STK10: variants seen among roughly 807,000 people sequenced by gnomAD.
STK10 encodes serine/threonine kinase 10.
STK10 carries 78 observed loss-of-function variants against 113.8 expected under a neutral mutation model. The observed-to-expected ratio is 0.69, with a 90% CI of 0.57 to 0.83. The LOEUF is 0.83. Ranked by LOEUF, STK10 falls within the 40% of genes least tolerant of loss-of-function variation. STK10 has a pLI of 0.00. For missense variants in STK10, 1,109 were observed against 1,280.1 expected (o/e 0.87, Z 2.04); for synonymous variants, 465 against 494.7 (o/e 0.94, Z 0.80).
intron 4 of STK10, among the ~76,000 whole-genome samples, chr5:172,112,930 G>A (rs779870309): frequency 1.3e-5 from 2 of 151,606 alleles, no homozygotes; most frequent in African/African-American, 2.4e-5. Flanking sequence ...ATTTTTAGTA[G>A]AGACGGGGGG....
In STK10 at chr5:172,133,745, A is replaced by T. The variant is rs1314732972; in HGVS notation, c.322-6324T>A. Among the ~76,000 whole-genome samples the T allele has an allele frequency of 1.3e-5, 2 of 152,248 alleles. No individual in the cohort carries two copies. The highest frequency in any genetic ancestry group is 2.9e-5 in the Non-Finnish European group (2 of 68,042). On this transcript the variant is annotated intron_variant, in intron 2 of 18. Transcript: ENST00000176763. The surrounding 1 kb of genome is among the most constrained non-coding windows in gnomAD (Gnocchi z 4.9). ...CAAGCCTGCTCCCTACTGACTTTTT[A>T]GGCAGAATATGCAAACGAATTAATT...
intron 10 of STK10, among the ~76,000 whole-genome samples, chr5:172,088,046 C>G (rs34191738): frequency 0.033 from 4,966 of 152,216 alleles, 127 homozygotes; most frequent in Non-Finnish European, 0.048. Flanking sequence ...CCACTTCAGC[C>G]TCCCGAGTAG....
rs773607020 is a variant in STK10 at position 172,096,399 on chromosome 5, G to A, written c.1005+27C>T. ...CTGAGATCCTGTCCTCCCAGCCCCC[G>A]CTAAGCCCCACTCTCCCTGGCCTTA... On this transcript the variant is annotated intron_variant, in intron 8 of 18. Transcript: ENST00000176763. 22 of 1,607,586 alleles carry A rather than the reference G, an allele frequency of 1.4e-5. No homozygotes were observed. In the East Asian group the frequency reaches 2.2e-4, roughly 16 times the overall value.
At position 172,064,765 on chromosome 5, in the gene STK10, G is replaced by C; in HGVS notation, c.2037C>G (p.Ser679Arg). The C allele has an allele frequency of 6.2e-7, 1 of 1,614,174 alleles. No homozygotes were observed. The highest frequency in any genetic ancestry group is 8.5e-7 in the Non-Finnish European group (1 of 1,180,022). The change falls in exon 13 of 19, where the codon AGC becomes AGG. Residue 679 changes from serine (S) to arginine (R), a missense_variant. Ser to Arg is a moderately radical substitution (Grantham distance 110, BLOSUM62 -1). Coordinates refer to ENST00000176763, the MANE Select transcript of STK10 (RefSeq NM_005990.4). ...TGTGCTCCTCCATCTTCTGCTTCAT[G>C]CTTTCCTTCCGCTGCTGTCGGGGGA... The part of the protein sequence containing the change: ...EKLPRQQRKE[S>R]MKQKMEEHTQ...
chr5:172,054,396 T>C (rs192121441), intron 17 of STK10, among the ~76,000 whole-genome samples, 173 bp downstream of exon 17: 231 of 152,204 alleles, frequency 1.5e-3, no homozygotes, highest in African/African-American at 5.4e-3. Context: ...GTGATATGAT[T>C]TGCCCAACCT....
In STK10 at chr5:172,129,900, T is replaced by C. The variant is rs191392407; in HGVS notation, c.322-2479A>G. Among the ~76,000 whole-genome samples the C allele has an allele frequency of 1.4e-4, 22 of 152,334 alleles. No homozygotes were observed. The East Asian group carries it at 4.0e-3, about 28-fold the overall frequency. ...GCTCATCCAGGCCTTGACACGTGCC[T>C]GGCCCCAGGTCGGGACTCAGTTATG... On this transcript the variant is annotated intron_variant, in intron 2 of 18. Transcript: ENST00000176763.
chr5:172,141,315 G>A (rs1769968205), intron 2 of STK10, among the ~76,000 whole-genome samples: 1 of 152,182 alleles, frequency 6.6e-6, no homozygotes, highest in Non-Finnish European at 1.5e-5. Context: ...GGTGGCTCAT[G>A]CCTGTAATCC....
chr5:172,081,550 T>C (rs1768430349), intron 12 of STK10, among the ~76,000 whole-genome samples: 1 of 151,988 alleles, frequency 6.6e-6, no homozygotes, highest in Non-Finnish European at 1.5e-5. Flanking sequence ...GTGCCTAAGG[T>C]GACTGCCTCA....
chr5:172,056,832 C>T (rs1767784029), intron 15 of STK10, among the ~76,000 whole-genome samples: 1 of 149,870 alleles, frequency 6.7e-6, no homozygotes, highest in Admixed American at 6.7e-5. Flanking sequence ...CTAGATGGCG[C>T]CACTGCACTC....
chr5:172,170,156 T>C (rs913846195), intron 1 of STK10, among the ~76,000 whole-genome samples: 1 of 150,422 alleles, frequency 6.6e-6, no homozygotes, highest in Admixed American at 6.7e-5. Context: ...TATTCTTAAA[T>C]GACTAAGGAA....
intron 2 of STK10, among the ~76,000 whole-genome samples, chr5:172,142,215 C>T (rs1191406319): frequency 1.3e-5 from 2 of 152,114 alleles, no homozygotes; most frequent in Admixed American, 1.3e-4. Flanking sequence ...CTTAGAGTTG[C>T]CGTGGGACTG....
rs1375978248 is a variant in STK10 at position 172,107,913 on chromosome 5, T to C, written c.521-61A>G. 11 of 1,484,442 alleles carry C rather than the reference T, an allele frequency of 7.4e-6. No homozygotes were observed. In the Admixed American group the frequency reaches 1.4e-4, roughly 18 times the overall value. The allele number at this position is 1,484,442 out of a possible 1,614,324, so 92.0% of individuals were successfully genotyped here. A position where few individuals can be genotyped will look rare whatever the true frequency, so the allele number is the denominator to read the frequency against. ...ATAGCCCTGGGGTAAAAGCCGGGGA[T>C]GTGGACTCAGGGGTACACATTCCAA... On this transcript the variant is annotated intron_variant, in intron 4 of 18. Coordinates refer to ENST00000176763, the MANE Select transcript of STK10 (RefSeq NM_005990.4).
At chr5:172,165,023 C>A (rs1238482682) in intron 1 of STK10, among the ~76,000 whole-genome samples, 11 of 152,192 alleles carry the variant, frequency 7.2e-5, no homozygotes, top group Admixed American at 6.5e-4. Flanking sequence ...CCGCAAGGGG[C>A]CCAGCCTGGA....
At chr5:172,107,704 G>T in intron 5 of STK10, 76 bp downstream of exon 5, 1 of 1,276,070 alleles carries the variant, frequency 7.8e-7, no homozygotes, top group Non-Finnish European at 1.1e-6. Context: ...GCCCCTCTCT[G>T]TCTAAAGCGC....
chr5:172,049,434 G>A (rs1294285252), intron 18 of STK10, among the ~76,000 whole-genome samples: 7 of 152,128 alleles, frequency 4.6e-5, no homozygotes, highest in Admixed American at 4.6e-4. Flanking sequence ...CTGGCAAGGG[G>A]AACAGGCTGG....
At position 172,165,500 on chromosome 5, in the gene STK10, G is replaced by A. The variant is rs575568823; in HGVS notation, c.157-8712C>T. Among the ~76,000 whole-genome samples, 3 of 152,318 alleles carry A rather than the reference G, an allele frequency of 2.0e-5. No homozygotes were observed. The East Asian group carries it at 5.8e-4, about 29-fold the overall frequency. On this transcript the variant is annotated intron_variant, in intron 1 of 18. Coordinates refer to ENST00000176763, the MANE Select transcript of STK10 (RefSeq NM_005990.4). ...GGAGCTGCTGGGAAATTGACCCTGG[G>A]GCTGGGGAGCAGTGGGGGACTTGGC... is the stretch of plus-strand genomic sequence containing the variant.
At chr5:172,121,066 TTGC>T (rs1769501027) in intron 3 of STK10, among the ~76,000 whole-genome samples, 1 of 151,404 alleles carries the variant, frequency 6.6e-6, no homozygotes, top group South Asian at 2.1e-4. Context: ...TCTTGCTCTC[TTGC>T]CCAGGCTGGA....
At chr5:172,174,095 G>A (rs940934316) in intron 1 of STK10, among the ~76,000 whole-genome samples, 7 of 152,124 alleles carry the variant, frequency 4.6e-5, no homozygotes, top group Non-Finnish European at 8.8e-5. Flanking sequence ...GCCTGTCCAG[G>A]GAGAGGCAAC....
At chr5:172,057,255 G>A (rs1767825729) in intron 15 of STK10, 94 bp downstream of exon 15, 1 of 1,511,218 alleles carries the variant, frequency 6.6e-7, no homozygotes, top group African/African-American at 1.4e-5. Context: ...CATCCAAAGT[G>A]TGCACCCAAG....
Sources: allele counts gnomAD v4.1 joint callset (sites outside exome capture counted in the v4.1 genomes callset), GRCh38; gene constraint gnomAD v4.1.1; non-coding constraint Gnocchi (gnomAD v3.1); transcripts MANE v1.5; gene names NCBI Gene and HGNC (gene_info 2026-07-23, HGNC 2026-07-21).